The following GATM variants were observed in gnomAD, a reference collection of about 807,000 sequenced individuals.
GATM encodes the protein glycine amidinotransferase.
In GATM, 23 loss-of-function variants were observed where a neutral mutation model predicts 54.2. The ratio of observed to expected loss-of-function variants is 0.42; its 90% CI spans 0.31 to 0.60. The LOEUF (loss-of-function observed/expected upper bound fraction) is 0.60, where lower values mean the gene tolerates loss of function less well. Among genes scored for constraint, GATM ranks in the 20% least tolerant of loss-of-function variants. The probability of loss-of-function intolerance (pLI) is 0.14; values close to 1 mark genes in which losing one functional copy is unlikely to be tolerated. For missense variants in GATM, 401 were observed against 544.9 expected, an observed-to-expected ratio of 0.74 and a Z score of 2.63; for synonymous variants, 168 against 183.1, an observed-to-expected ratio of 0.92 and a Z score of 0.67.
At chr15:45,367,340 CAAA>C (rs199666485) in intron 4 of GATM, among the ~76,000 whole-genome samples, 74 of 138,776 alleles carry the variant, frequency 5.3e-4, no homozygotes, top group Middle Eastern at 3.8e-3. Context: ...GACTCCATCT[CAAA>C]AAAAAAAAAA....
In GATM at chr15:45,366,405, C is replaced by T. The variant is rs1364915703; in HGVS notation, c.779G>A (p.Arg260Gln). 1.2e-6 allele frequency: 2 copies of T among 1,614,106 alleles called. No individual in the cohort carries two copies. The highest frequency in any genetic ancestry group is 2.2e-5 in the East Asian group (1 of 44,878). Residue 260 changes from arginine to glutamine, a missense_variant, in exon 5 of 9, where the codon CGA becomes CAA. Coordinates refer to ENST00000396659, the MANE Select transcript of GATM (RefSeq NM_001482.3). ...EPCFDAADFIRAGRDIFAQRS... is the reference protein window; with the variant it reads ...EPCFDAADFIQAGRDIFAQRS... ...CTGTGCAAAAATATCTCTTCCAGCT[C>T]GAATGAAGTCAGCAGCATCAAAGCA...
At position 45,363,783 on chromosome 15, in the gene GATM, T is replaced by G. The variant is rs1889403247; in HGVS notation, c.1159+117A>C. 3 of 723,152 alleles carry G rather than the reference T, an allele frequency of 4.1e-6. No individual in the cohort carries two copies. In the Admixed American group the frequency reaches 6.2e-5, roughly 15 times the overall value. 44.8% of individuals were successfully genotyped at this position (723,152 alleles called of 1,614,324 possible). A position where few individuals can be genotyped will look rare whatever the true frequency, so the allele number is the denominator to read the frequency against. On this transcript the variant is annotated intron_variant, in intron 8 of 8. Coordinates refer to ENST00000396659, the MANE Select transcript of GATM (RefSeq NM_001482.3). Reference sequence around the variant, plus strand: ...CTGTGAAATAATAACTTGGTGCCTCTAAAAGGAATCAAAATTGAATTAGAC... The same window carrying G: ...CTGTGAAATAATAACTTGGTGCCTCGAAAAGGAATCAAAATTGAATTAGAC...
rs147562591 is a variant in GATM, at chr15:45,371,999, G to A, written c.289-2478C>T. Among the ~76,000 whole-genome samples, 5 of 152,228 alleles carry A rather than the reference G, an allele frequency of 3.3e-5. No homozygotes were observed. In the East Asian group the frequency reaches 5.8e-4, roughly 18 times the overall value. Reference sequence around the variant, plus strand: ...CAATATCCAGGTTCACATCAGTTACGCTGGAACCTAGCTTGGTGAATAAGG... The same window carrying A: ...CAATATCCAGGTTCACATCAGTTACACTGGAACCTAGCTTGGTGAATAAGG... On this transcript the variant is annotated intron_variant, in intron 2 of 8. Coordinates refer to ENST00000396659, the MANE Select transcript of GATM (RefSeq NM_001482.3).
chr15:45,369,597 A>G lies in GATM; in HGVS notation c.289-76T>C, dbSNP rs540536879. ...CATGATAGGTTCATAGGCAGTAAAC[A>G]GCTCTTTGTATAAGGTATTGGAATT... is the stretch of plus-strand genomic sequence containing the variant. On this transcript the variant is annotated intron_variant, in intron 2 of 8. Coordinates refer to ENST00000396659, the MANE Select transcript of GATM (RefSeq NM_001482.3). 2.8e-3 allele frequency: 3,501 copies of G among 1,272,550 alleles called. 13 individuals are homozygous for G. Among genetic ancestry groups the G allele is most frequent in the Non-Finnish European group, 3.2e-3 (2,887 of 889,668 alleles). 78.8% of individuals were successfully genotyped at this position (1,272,550 alleles called of 1,614,324 possible).
chr15:45,368,004 C>T lies in GATM; in HGVS notation c.675+66G>A. ...ATATATACAAGGTATCAGAGAATCT[C>T]TATCTTACTCTTTGTGGATCATTTA... On this transcript the variant is annotated intron_variant, in intron 4 of 8. Coordinates refer to ENST00000396659, the MANE Select transcript of GATM (RefSeq NM_001482.3). The surrounding 1 kb of genome is among the most constrained non-coding windows in gnomAD (Gnocchi z 5.1). 2.1e-6 allele frequency: 3 copies of T among 1,397,972 alleles called. No individual in the cohort carries two copies. Among genetic ancestry groups the T allele is most frequent in the Non-Finnish European group, 3.0e-6 (3 of 990,044 alleles). 86.6% of individuals were successfully genotyped at this position (1,397,972 alleles called of 1,614,324 possible).
rs1376983129 is a variant in GATM at position 45,361,684 on chromosome 15, C to T, written c.*425G>A. ...TCTGATTCTATTTTGGATCTGTGTA[C>T]ATTCTAAGTCTTTCTCTCATTTAGA... On this transcript the variant is annotated 3_prime_UTR_variant, in exon 9 of 9. Transcript: ENST00000396659. 1 of 393,626 alleles carries T rather than the reference C, an allele frequency of 2.5e-6. No homozygotes were observed. Among genetic ancestry groups the T allele is most frequent in the Non-Finnish European group, 4.5e-6 (1 of 223,286 alleles). 24.4% of individuals were successfully genotyped at this position (393,626 alleles called of 1,614,324 possible). A position where few individuals can be genotyped will look rare whatever the true frequency, so the allele number is the denominator to read the frequency against.
At chr15:45,397,181 G>A (rs1007053396) in intron 2 of GATM, 1 of 151,888 alleles carries the variant, frequency 6.6e-6, no homozygotes, top group Non-Finnish European at 1.5e-5. Flanking sequence ...GGGGTGCTAG[G>A]AGAATCTTTG....
At chr15:45,396,944 A>G (rs1889942140) in exon 3 of GATM, 1 of 151,556 alleles carries the variant, frequency 6.6e-6, no homozygotes, top group African/African-American at 2.4e-5. Context: ...TCTTAAACAC[A>G]AAAAGCATAT....
At chr15:45,384,654 A>T (rs2140669303) in intron 3 of GATM, among the ~76,000 whole-genome samples, 1 of 152,218 alleles carries the variant, frequency 6.6e-6, no homozygotes, top group East Asian at 1.9e-4. Context: ...AAATAGCTCC[A>T]CTCACGCCAC....
At chr15:45,391,336 C>T (rs890205150) in intron 3 of GATM, among the ~76,000 whole-genome samples, 11 of 152,032 alleles carry the variant, frequency 7.2e-5, no homozygotes, top group Admixed American at 4.6e-4. Flanking sequence ...TACTTGAACC[C>T]GGGAGGCGGA....
At chr15:45,364,526 C>G (rs1317326017) in intron 7 of GATM, 5 of 404,496 alleles carry the variant, frequency 1.2e-5, no homozygotes, top group South Asian at 7.8e-5. Flanking sequence ...CAAAGCAAGA[C>G]ACTGTCTCAA....
At chr15:45,367,624 C>T (rs1199664384) in intron 4 of GATM, among the ~76,000 whole-genome samples, 1 of 152,162 alleles carries the variant, frequency 6.6e-6, no homozygotes, top group Non-Finnish European at 1.5e-5. Context: ...TAATAAGGGA[C>T]ATACATTTCA....
chr15:45,369,327 C>A lies in GATM; in HGVS notation c.483G>T (p.Thr161=), dbSNP rs771343478. 7.4e-6 allele frequency: 12 copies of A among 1,613,108 alleles called. No individual in the cohort carries two copies. The highest frequency in any genetic ancestry group is 9.3e-6 in the Non-Finnish European group (11 of 1,179,230). The part of the protein sequence containing the change: ...LKYKTPDFES[T]GLYSAMPRDI... ...GTTTAGTTATCTGACATCACTTACC[C>A]GTAGACTCAAAATCAGGAGTTTTAT... The change falls in exon 3 of 9, where the codon ACG becomes ACT. Residue 161 remains threonine (T), a splice_region_variant and synonymous_variant. Coordinates refer to ENST00000396659, the MANE Select transcript of GATM (RefSeq NM_001482.3).
At chr15:45,393,118 G>T (rs1464963452) in intron 3 of GATM, among the ~76,000 whole-genome samples, 3 of 152,202 alleles carry the variant, frequency 2.0e-5, no homozygotes, top group African/African-American at 4.8e-5. Context: ...AGGAGCTCAA[G>T]AAATATTTGT....
intron 3 of GATM, among the ~76,000 whole-genome samples, chr15:45,394,048 A>C (rs531686260): frequency 1.5e-4 from 23 of 152,290 alleles, no homozygotes; most frequent in African/African-American, 5.5e-4. Context: ...CAACTCTTAC[A>C]ATCAGGAGGG....
At chr15:45,401,322 T>G (rs1409663746) in intron 1 of GATM, among the ~76,000 whole-genome samples, 7 of 151,348 alleles carry the variant, frequency 4.6e-5, no homozygotes, top group African/African-American at 1.7e-4. Context: ...TTTGCATAGA[T>G]AGAAAAAAAA....
chr15:45,378,376 C>A lies in GATM; in HGVS notation c.69+9G>T. 1 of 1,516,380 alleles carries A rather than the reference C, an allele frequency of 6.6e-7. No homozygotes were observed. Among genetic ancestry groups the A allele is most frequent in the Non-Finnish European group, 8.8e-7 (1 of 1,137,814 alleles). The allele number at this position is 1,516,380 out of a possible 1,614,324, so 93.9% of individuals were successfully genotyped here. On this transcript the variant is annotated intron_variant, in intron 1 of 8. Coordinates refer to ENST00000396659, the MANE Select transcript of GATM (RefSeq NM_001482.3). Reference sequence around the variant, plus strand: ...CGCGGCCGCCAGACGAGGCCGGTGGCGCACGCACCCGAGATCCGATGTAGT... The same window carrying A: ...CGCGGCCGCCAGACGAGGCCGGTGGAGCACGCACCCGAGATCCGATGTAGT...
Position 45,369,450 on chromosome 15 carries a change from C to T in GATM, c.360G>A (p.Leu120=), listed in dbSNP as rs754145988. The T allele has an allele frequency of 6.2e-7, 1 of 1,614,176 alleles. No individual in the cohort carries two copies. The highest frequency in any genetic ancestry group is 1.7e-5 in the Admixed American group (1 of 60,016). The stretch of plus-strand genomic sequence containing the variant: ...CTTCAATTTCAGCAACAGCCTTTTT[C>T]AAATGATCTTTGGGAAAATAATGCC... ...QGGHYFPKDH[L]KKAVAEIEEM... Residue 120 remains leucine, a synonymous_variant, in exon 3 of 9, where the codon TTG becomes TTA. Coordinates refer to ENST00000396659, the MANE Select transcript of GATM (RefSeq NM_001482.3).
chr15:45,398,300 A>G (rs2217121), intron 2 of GATM, among the ~76,000 whole-genome samples: 20,968 of 152,198 alleles, frequency 0.14, 4,763 homozygotes, highest in African/African-American at 0.48. Context: ...CCAACATCAT[A>G]GGGAAAAATT....
Sources: allele counts gnomAD v4.1 joint callset (sites outside exome capture counted in the v4.1 genomes callset), GRCh38; gene constraint gnomAD v4.1.1; non-coding constraint Gnocchi (gnomAD v3.1); transcripts MANE v1.5; gene names NCBI Gene and HGNC (gene_info 2026-07-23, HGNC 2026-07-21).